Variants in NSUN6 observed in about 807,000 individuals in gnomAD.
NSUN6 encodes the protein NOP2/Sun RNA methyltransferase 6.
NSUN6 carries 64 observed loss-of-function variants against 58.0 expected under a neutral mutation model. That is an observed-to-expected ratio of 1.10 (90% CI 0.90 to 1.36). The LOEUF (loss-of-function observed/expected upper bound fraction) is 1.36, where lower values mean the gene tolerates loss of function less well. Among genes scored for constraint, NSUN6 ranks in the 40% most tolerant of loss-of-function variants. The pLI is 0.00. For missense variants in NSUN6, 701 were observed against 550.1 expected, an observed-to-expected ratio of 1.27 and a Z score of -2.74; for synonymous variants, 231 against 193.9, an observed-to-expected ratio of 1.19 and a Z score of -1.59.
intron 7 of NSUN6, among the ~76,000 whole-genome samples, chr10:18,587,699 C>T (rs1453331893): frequency 1.3e-5 from 2 of 152,058 alleles, no homozygotes; most frequent in Non-Finnish European, 2.9e-5. Context: ...GGGGGGCCTC[C>T]CTCCCCCAGC....
At chr10:18,623,053 G>C (rs796789677) in intron 3 of NSUN6, among the ~76,000 whole-genome samples, 2 of 152,038 alleles carry the variant, frequency 1.3e-5, no homozygotes, top group Non-Finnish European at 2.9e-5. Flanking sequence ...TAAATTACCA[G>C]ACAAAAATCA....
intron 6 of NSUN6, among the ~76,000 whole-genome samples, chr10:18,602,750 T>C (rs1043669871): frequency 6.6e-6 from 1 of 152,138 alleles, no homozygotes; most frequent in African/African-American, 2.4e-5. Flanking sequence ...GAAAAATCTA[T>C]TTTTTACTAT....
intron 8 of NSUN6, among the ~76,000 whole-genome samples, chr10:18,584,900 A>T (rs2131102063): frequency 6.6e-6 from 1 of 152,084 alleles, no homozygotes; most frequent in South Asian, 2.1e-4. Context: ...CAGAAAGAAA[A>T]AAAAAAACCC....
rs554840670 is a variant in NSUN6, at chr10:18,628,024, G to A, written c.312-11731C>T. Among the ~76,000 whole-genome samples the A allele has an allele frequency of 1.2e-3, 179 of 152,374 alleles. 1 individual carries two copies. Among genetic ancestry groups the A allele is most frequent in the Non-Finnish European group, 2.0e-3 (137 of 68,044 alleles). On this transcript the variant is annotated intron_variant, in intron 3 of 10. Coordinates refer to ENST00000377304, the MANE Select transcript of NSUN6 (RefSeq NM_182543.5). ...AATGTCCCTGTCTGATAGCTTTGAAGAGAGCAGTGGTTCTCCCAGCACGCA... is the reference window on the plus strand; with the variant it reads ...AATGTCCCTGTCTGATAGCTTTGAAAAGAGCAGTGGTTCTCCCAGCACGCA...
chr10:18,646,367 A>C (rs907972311), intron 2 of NSUN6, among the ~76,000 whole-genome samples: 1 of 152,128 alleles, frequency 6.6e-6, no homozygotes, highest in Non-Finnish European at 1.5e-5. Context: ...TCTTACTAGA[A>C]TCGGGTACTG....
At chr10:18,560,268 A>G (rs1325050352) in intron 8 of NSUN6, among the ~76,000 whole-genome samples, 6 of 151,158 alleles carry the variant, frequency 4.0e-5, no homozygotes, top group African/African-American at 1.5e-4. Flanking sequence ...ATGGACGGCA[A>G]TGGAATAGAG....
At chr10:18,633,275 A>AG (rs2059101842) in intron 3 of NSUN6, among the ~76,000 whole-genome samples, 2 of 86,784 alleles carry the variant, frequency 2.3e-5, no homozygotes, top group South Asian at 8.9e-4. Context: ...GGGAGCGGGG[A>AG]GGGGGGAGGG....
intron 3 of NSUN6, among the ~76,000 whole-genome samples, chr10:18,617,853 T>C (rs930946317): frequency 1.3e-5 from 2 of 152,216 alleles, no homozygotes; most frequent in African/African-American, 4.8e-5. Flanking sequence ...CTTGCAGCAG[T>C]GAGTTTGCTT....
chr10:18,571,467 C>G (rs894463176), intron 8 of NSUN6, among the ~76,000 whole-genome samples: 10 of 151,264 alleles, frequency 6.6e-5, no homozygotes, highest in Admixed American at 6.6e-5. Context: ...CCATTCCAAT[C>G]CATTCTCCAT....
At chr10:18,560,198 T>C (rs868456180) in intron 8 of NSUN6, among the ~76,000 whole-genome samples, 5 of 146,594 alleles carry the variant, frequency 3.4e-5, no homozygotes, top group Admixed American at 3.4e-4. Flanking sequence ...GAATGGAAAA[T>C]GGAATGGAAT....
intron 3 of NSUN6, among the ~76,000 whole-genome samples, chr10:18,630,974 C>A (rs1231062232): frequency 6.6e-6 from 1 of 151,948 alleles, no homozygotes; most frequent in East Asian, 1.9e-4. Flanking sequence ...AGACCAATAT[C>A]CTTGATGAAC....
chr10:18,616,349 T>G (rs576743547), intron 3 of NSUN6, 56 bp from the exon 4 acceptor site: 1 of 1,032,928 alleles, frequency 9.7e-7, no homozygotes, highest in South Asian at 1.3e-5. Flanking sequence ...TGCCTACCAA[T>G]TTTTCCCGTG....
chr10:18,600,190 A>G (rs1441485982), intron 6 of NSUN6, among the ~76,000 whole-genome samples: 3 of 152,138 alleles, frequency 2.0e-5, no homozygotes, highest in Admixed American at 6.6e-5. Context: ...GGGGGATAAC[A>G]GTTTTCCAGG....
At chr10:18,617,519 C>T (rs1279650206) in intron 3 of NSUN6, among the ~76,000 whole-genome samples, 1 of 152,088 alleles carries the variant, frequency 6.6e-6, no homozygotes, top group Non-Finnish European at 1.5e-5. Flanking sequence ...TAATTACCTA[C>T]GGACAGCTAT....
At position 18,551,815 on chromosome 10, in the gene NSUN6, C is replaced by T. The variant is rs1386935419; in HGVS notation, c.1071+8G>A. 5 of 1,609,012 alleles carry T rather than the reference C, an allele frequency of 3.1e-6. No individual in the cohort carries two copies. In the African/African-American group the frequency reaches 6.7e-5, roughly 22 times the overall value. The stretch of plus-strand genomic sequence containing the variant: ...AACTTTGTTTCACAAAAACAGACCA[C>T]CACATACTGCAGTGAAGAGTTTTCG... On this transcript the variant is annotated splice_region_variant and intron_variant, in intron 9 of 10. Transcript: ENST00000377304.
At chr10:18,603,999 T>C (rs1052375505) in intron 6 of NSUN6, among the ~76,000 whole-genome samples, 3 of 151,988 alleles carry the variant, frequency 2.0e-5, no homozygotes, top group Non-Finnish European at 2.9e-5. Context: ...CTGGCCAACA[T>C]GGTGAAACCC....
intron 3 of NSUN6, among the ~76,000 whole-genome samples, chr10:18,627,038 T>C (rs767882733): frequency 1.3e-5 from 2 of 152,234 alleles, no homozygotes; most frequent in Non-Finnish European, 2.9e-5. Context: ...CTTTACAAAA[T>C]GCTGGTTGAG....
chr10:18,628,164 A>G lies in NSUN6; in HGVS notation c.312-11871T>C, dbSNP rs11015208. 3.4e-3 allele frequency among the ~76,000 whole-genome samples: 520 copies of G among 152,260 alleles called. 3 individuals carry two copies. The highest frequency in any genetic ancestry group is 4.6e-3 in the Non-Finnish European group (311 of 68,006). On this transcript the variant is annotated intron_variant, in intron 3 of 10. Transcript: ENST00000377304. Reference sequence around the variant, plus strand: ...GGGCAGACTGACACCTCACACGGTCAGGTACTCCAACAGACCTGCAGCTGA... The same window carrying G: ...GGGCAGACTGACACCTCACACGGTCGGGTACTCCAACAGACCTGCAGCTGA...
intron 8 of NSUN6, among the ~76,000 whole-genome samples, chr10:18,568,741 T>G (rs2056149116): frequency 6.6e-6 from 1 of 151,434 alleles, no homozygotes; most frequent in South Asian, 2.1e-4. Context: ...TCCATTGCAT[T>G]CCATATTCCA....
Sources: gnomAD v4.1 joint callset for allele counts (sites outside exome capture counted in the v4.1 genomes callset) on GRCh38, gnomAD v4.1.1 for gene constraint, MANE v1.5 for transcripts, NCBI Gene and HGNC (gene_info 2026-07-23, HGNC 2026-07-21) for gene names.